Variants in KCNQ1 observed in about 807,000 individuals in gnomAD.
KCNQ1 encodes potassium voltage-gated channel subfamily Q member 1, also known as potassium voltage-gated channel subfamily KQT member 1.
Under a neutral mutation model 72.4 loss-of-function variants are expected in KCNQ1, and 49 were observed. That is an observed-to-expected ratio of 0.68 (90% CI 0.54 to 0.86). The LOEUF (loss-of-function observed/expected upper bound fraction) is 0.86. KCNQ1 is among the 40% of genes least tolerant of loss of function. The pLI is 0.00. For missense variants in KCNQ1, 790 were observed against 945.1 expected, an observed-to-expected ratio of 0.84 and a Z score of 2.15; for synonymous variants, 450 against 412.6, an observed-to-expected ratio of 1.09 and a Z score of -1.10.
Position 2,647,796 on chromosome 11 carries a change from G to A in KCNQ1, c.1394-14165G>A, listed in dbSNP as rs1849689053. 2 of 398,266 alleles carry A rather than the reference G, an allele frequency of 5.0e-6. No individual in the cohort carries two copies. Among genetic ancestry groups the A allele is most frequent in the Admixed American group, 8.8e-5 (2 of 22,698 alleles). The allele number at this position is 398,266 out of a possible 1,614,324, so 24.7% of individuals were successfully genotyped here. A position where few individuals can be genotyped will look rare whatever the true frequency, so the allele number is the denominator to read the frequency against. ...TGTTGACATATAGTTGTTCATAATG[G>A]TCTCTAATAATCTTTTGTATTTCTG... On this transcript the variant is annotated intron_variant, in intron 10 of 15. Transcript: ENST00000155840. This position sits in a 1 kb window ranked among gnomAD's most constrained non-coding sequence, Gnocchi z 4.0.
At chr11:2,518,526 C>T (rs1847324812) in intron 1 of KCNQ1, among the ~76,000 whole-genome samples, 1 of 152,186 alleles carries the variant, frequency 6.6e-6, no homozygotes, top group African/African-American at 2.4e-5. Context: ...GGACCTGTTT[C>T]TTGGGGTTCC....
intron 8 of KCNQ1, among the ~76,000 whole-genome samples, chr11:2,585,667 T>C (rs1476293739): frequency 6.6e-6 from 1 of 152,074 alleles, no homozygotes; most frequent in Admixed American, 6.5e-5. Flanking sequence ...GGTGGCCAGG[T>C]GATTGTCCCC....
chr11:2,631,825 C>T, intron 10 of KCNQ1: 1 of 398,546 alleles, frequency 2.5e-6, no homozygotes. Flanking sequence ...TGTCCTGATG[C>T]TGTCGTGTAA....
Position 2,498,485 on chromosome 11 carries a change from CAG to C in KCNQ1, c.387-29442_387-29441del, listed in dbSNP as rs539137896. On this transcript the variant is annotated intron_variant, in intron 1 of 15. Transcript: ENST00000155840. The surrounding 1 kb of genome is among the most constrained non-coding windows in gnomAD (Gnocchi z 4.8). Reference sequence around the variant, plus strand: ...AGCCTCCCAGCCTCCTTAGCACTATCAGGGGAAAACCGCCTACTAAAGCCTCA... The same window carrying C: ...AGCCTCCCAGCCTCCTTAGCACTATCGGGAAAACCGCCTACTAAAGCCTCA... Among the ~76,000 whole-genome samples, 738 of 152,334 alleles carry C rather than the reference CAG, an allele frequency of 4.8e-3. 2 individuals are homozygous for C. The highest frequency in any genetic ancestry group is 6.7e-3 in the Non-Finnish European group (456 of 68,034).
chr11:2,572,208 C>G, intron 5 of KCNQ1, 99 bp downstream of exon 5: 3 of 897,194 alleles, frequency 3.3e-6, no homozygotes, highest in East Asian at 2.6e-5. Context: ...GCTGAGGCCC[C>G]GGGGGCCGGT....
intron 15 of KCNQ1, among the ~76,000 whole-genome samples, chr11:2,793,776 G>A (rs1847079353): frequency 6.6e-6 from 1 of 152,204 alleles, no homozygotes; most frequent in Non-Finnish European, 1.5e-5. Flanking sequence ...CCACTGCCTG[G>A]GGCTGCAGTG....
At chr11:2,530,961 C>T (rs1270771157) in intron 2 of KCNQ1, among the ~76,000 whole-genome samples, 4 of 152,128 alleles carry the variant, frequency 2.6e-5, no homozygotes, top group Non-Finnish European at 4.4e-5. Flanking sequence ...AGCCCCTCGC[C>T]CCCAGGTGGC....
intron 10 of KCNQ1, chr11:2,610,401 A>C (rs1437788331): frequency 2.5e-6 from 1 of 398,212 alleles, no homozygotes; most frequent in Non-Finnish European, 4.4e-6. Context: ...GCAAGTATAT[A>C]TTTCTAGTTT....
chr11:2,722,731 G>C (rs2133931732), intron 11 of KCNQ1, among the ~76,000 whole-genome samples: 1 of 152,156 alleles, frequency 6.6e-6, no homozygotes, highest in South Asian at 2.1e-4. Context: ...CAGCCTCTTG[G>C]AACTTAGTGA....
chr11:2,534,438 GA>G (rs934437456), intron 2 of KCNQ1, among the ~76,000 whole-genome samples: 1 of 152,264 alleles, frequency 6.6e-6, no homozygotes, highest in Admixed American at 6.5e-5. Flanking sequence ...GGTGACTCAG[GA>G]TTTTCCTCCA....
intron 7 of KCNQ1, 94 bp from the exon 8 acceptor site, chr11:2,585,118 C>T: frequency 8.8e-7 from 1 of 1,139,286 alleles, no homozygotes; most frequent in Non-Finnish European, 1.3e-6. Flanking sequence ...CATACCTGGC[C>T]TTCCCACAAC....
chr11:2,731,100 G>C (rs1590057559), intron 11 of KCNQ1, among the ~76,000 whole-genome samples: 1 of 152,360 alleles, frequency 6.6e-6, no homozygotes, highest in East Asian at 1.9e-4. Context: ...CTGGGGGAAA[G>C]AGAGGGCAGC....
intron 11 of KCNQ1, chr11:2,699,798 G>A (rs1454221624): frequency 2.8e-5 from 11 of 396,990 alleles, no homozygotes; most frequent in Non-Finnish European, 4.9e-5. Flanking sequence ...GCCGAGGGGC[G>A]CGCCGGGGAG....
rs543874848 is a variant in KCNQ1 at position 2,526,256 on chromosome 11, G to A, written c.387-1672G>A. Among the ~76,000 whole-genome samples, 1 of 152,068 alleles carries A rather than the reference G, an allele frequency of 6.6e-6. No homozygotes were observed. Among genetic ancestry groups the A allele is most frequent in the Admixed American group, 6.5e-5 (1 of 15,280 alleles). On this transcript the variant is annotated intron_variant, in intron 1 of 15. Coordinates refer to ENST00000155840, the MANE Select transcript of KCNQ1 (RefSeq NM_000218.3). The surrounding 1 kb of genome is among the most constrained non-coding windows in gnomAD (Gnocchi z 6.1). ...GCTGGGGGCGCCGAGGGTGGAGGTGGGCACTGTGGTCAGGGGGAGATGAGG... is the reference window on the plus strand; with the variant it reads ...GCTGGGGGCGCCGAGGGTGGAGGTGAGCACTGTGGTCAGGGGGAGATGAGG...
Position 2,690,217 on chromosome 11 carries a change from C to G in KCNQ1, c.1514+28136C>G. 3 of 398,754 alleles carry G rather than the reference C, an allele frequency of 7.5e-6. No individual in the cohort carries two copies. The highest frequency in any genetic ancestry group is 1.3e-5 in the Non-Finnish European group (3 of 226,170). The allele number at this position is 398,754 out of a possible 1,614,324, so 24.7% of individuals were successfully genotyped here. The stretch of plus-strand genomic sequence containing the variant: ...GGCTAAACTCTGCTGTGTCAAGTGC[C>G]TGGTGACCTCAAGCAAGTCATTCCA... On this transcript the variant is annotated intron_variant, in intron 11 of 15. Coordinates refer to ENST00000155840, the MANE Select transcript of KCNQ1 (RefSeq NM_000218.3). This position sits in a 1 kb window ranked among gnomAD's most constrained non-coding sequence, Gnocchi z 5.1.
At chr11:2,525,693 C>T (rs1366329806) in intron 1 of KCNQ1, among the ~76,000 whole-genome samples, 2 of 152,246 alleles carry the variant, frequency 1.3e-5, no homozygotes, top group African/African-American at 4.8e-5. Flanking sequence ...CTTCCAGGTG[C>T]TCCTGGGAAC....
At position 2,588,764 on chromosome 11, in the gene KCNQ1, G is replaced by A. The variant is rs1848630440; in HGVS notation, c.1303G>A (p.Glu435Lys). The A allele has an allele frequency of 1.2e-6, 2 of 1,613,814 alleles. No homozygotes were observed. Among genetic ancestry groups the A allele is most frequent in the Non-Finnish European group, 8.5e-7 (1 of 1,179,994 alleles). ...CAAAGACAATGGGGTGACTCCTGGA[G>A]AGAAGATGCTCACAGTCCCCCATAT... ...LDKDNGVTPG[E>K]KMLTVPHITC... Residue 435 changes from glutamate to lysine, a missense_variant, in exon 10 of 16, where the codon GAG becomes AAG. Coordinates refer to ENST00000155840, the MANE Select transcript of KCNQ1 (RefSeq NM_000218.3). This position sits in a 1 kb window ranked among gnomAD's most constrained non-coding sequence, Gnocchi z 5.6.
chr11:2,832,541 G>A (rs1403305525), intron 15 of KCNQ1, among the ~76,000 whole-genome samples: 2 of 152,208 alleles, frequency 1.3e-5, no homozygotes, highest in Non-Finnish European at 2.9e-5. Context: ...CGCAGTCCCC[G>A]CCCATGCCCA....
At chr11:2,506,205 A>C (rs968722688) in intron 1 of KCNQ1, among the ~76,000 whole-genome samples, 20 of 152,190 alleles carry the variant, frequency 1.3e-4, no homozygotes, top group Non-Finnish European at 2.9e-5. Context: ...TAGGTCTTAC[A>C]TTTATACCTT....
Sources: allele counts gnomAD v4.1 joint callset (sites outside exome capture counted in the v4.1 genomes callset), GRCh38; gene constraint gnomAD v4.1.1; non-coding constraint Gnocchi (gnomAD v3.1); transcripts MANE v1.5; gene names NCBI Gene and HGNC (gene_info 2026-07-23, HGNC 2026-07-21).